Variants in GMDS observed in about 807,000 individuals in gnomAD.
GMDS encodes GDP-mannose 4,6-dehydratase.
A neutral mutation model predicts 49.9 loss-of-function variants in GMDS; 20 were observed. That is an observed-to-expected ratio of 0.40 (90% confidence interval 0.28 to 0.58). GMDS has a LOEUF of 0.58. Ranked by LOEUF, GMDS falls within the 20% of genes least tolerant of loss-of-function variation. The pLI is 0.42. For missense variants in GMDS, 362 were observed against 481.4 expected, an observed-to-expected ratio of 0.75 and a Z score of 2.32; for synonymous variants, 177 against 178.6, an observed-to-expected ratio of 0.99 and a Z score of 0.07.
At chr6:2,149,613 G>A (rs952202401) in intron 1 of GMDS, among the ~76,000 whole-genome samples, 1 of 152,202 alleles carries the variant, frequency 6.6e-6, no homozygotes, top group Non-Finnish European at 1.5e-5. Context: ...TCTGAATCCA[G>A]TCTATTTTAT....
intron 9 of GMDS, among the ~76,000 whole-genome samples, chr6:1,669,290 G>T (rs1250293005): frequency 1.3e-5 from 2 of 152,114 alleles, no homozygotes; most frequent in Non-Finnish European, 2.9e-5. Flanking sequence ...CCTCAGCCAA[G>T]CATGCACTTC....
rs143659056 is a variant in GMDS at position 1,813,609 on chromosome 6, G to C, written c.772-71023C>G. 7.4e-4 allele frequency among the ~76,000 whole-genome samples: 112 copies of C among 152,302 alleles called. 2 individuals are homozygous for C. The highest frequency in any genetic ancestry group is 3.4e-3 in the Middle Eastern group (1 of 294). On this transcript the variant is annotated intron_variant, in intron 7 of 10. Coordinates refer to ENST00000380815, the MANE Select transcript of GMDS (RefSeq NM_001500.4). ...CTAATAATGGATGGTTGAGAAAACA[G>C]AGAGAGCTCCAGAGGTTTAAATAAG... is the stretch of plus-strand genomic sequence containing the variant.
At chr6:1,760,218 C>T (rs189657728) in intron 7 of GMDS, among the ~76,000 whole-genome samples, 3 of 152,318 alleles carry the variant, frequency 2.0e-5, no homozygotes, top group East Asian at 3.9e-4. Flanking sequence ...CAAAAAATCC[C>T]GTTTTCCATG....
intron 6 of GMDS, chr6:1,952,045 G>A (rs1014852381): frequency 1.0e-6 from 1 of 960,222 alleles, no homozygotes; most frequent in South Asian, 4.8e-5. Context: ...ACTTCTCCTA[G>A]GATTATTTCT....
At chr6:1,870,068 T>C (rs895919230) in intron 7 of GMDS, among the ~76,000 whole-genome samples, 1 of 152,228 alleles carries the variant, frequency 6.6e-6, no homozygotes, top group South Asian at 2.1e-4. Flanking sequence ...CCTGGGCAGA[T>C]AGGAAGACCA....
intron 7 of GMDS, among the ~76,000 whole-genome samples, chr6:1,882,393 G>A (rs1759404430): frequency 1.3e-5 from 2 of 152,166 alleles, no homozygotes; most frequent in African/African-American, 4.8e-5. Flanking sequence ...ATGCGTGTGT[G>A]TACATAAGTA....
chr6:1,787,838 C>T (rs1769382808), intron 7 of GMDS, among the ~76,000 whole-genome samples: 1 of 152,112 alleles, frequency 6.6e-6, no homozygotes. Flanking sequence ...AACTTTTTAA[C>T]CCTAAGGTTT....
chr6:2,102,882 T>C (rs1774006829), intron 4 of GMDS, among the ~76,000 whole-genome samples: 1 of 152,250 alleles, frequency 6.6e-6, no homozygotes, highest in South Asian at 2.1e-4. Context: ...ATTATGTGTT[T>C]AGACATCAGA....
At chr6:1,846,419 T>G (rs1462633554) in intron 7 of GMDS, among the ~76,000 whole-genome samples, 1 of 152,100 alleles carries the variant, frequency 6.6e-6, no homozygotes, top group African/African-American at 2.4e-5. Flanking sequence ...ATGCCCTTTT[T>G]CTCTCTAAAA....
In GMDS at chr6:2,065,740, G is replaced by A. The variant is rs369243819; in HGVS notation, c.345+50031C>T. On this transcript the variant is annotated intron_variant, in intron 4 of 10. Transcript: ENST00000380815. Reference sequence around the variant, plus strand: ...TAGAGAAAAAAGAATAAAAAGAAACGAGCAAAGCCTCCAAGAAATATGGGA... The same window carrying A: ...TAGAGAAAAAAGAATAAAAAGAAACAAGCAAAGCCTCCAAGAAATATGGGA... Among the ~76,000 whole-genome samples the A allele has an allele frequency of 8.5e-4, 129 of 152,190 alleles. No homozygotes were observed. In the East Asian group the frequency reaches 0.021, roughly 24 times the overall value.
chr6:1,643,967 TGACAAGGCTCCCAGGGCG>T (rs1305839720), intron 9 of GMDS, among the ~76,000 whole-genome samples: 3 of 152,152 alleles, frequency 2.0e-5, no homozygotes, highest in Non-Finnish European at 2.9e-5. Flanking sequence ...ACTCCTCAGC[TGACAAGGCTCCCAGGGCG>T]GACGGCCCTT....
chr6:1,908,329 G>A (rs547790221), intron 7 of GMDS, among the ~76,000 whole-genome samples: 50 of 152,166 alleles, frequency 3.3e-4, no homozygotes, highest in Non-Finnish European at 4.4e-4. Context: ...AGGTGAAACC[G>A]TGGAGAGTGA....
chr6:2,139,432 C>T (rs550642973), intron 1 of GMDS, among the ~76,000 whole-genome samples: 21 of 152,324 alleles, frequency 1.4e-4, no homozygotes, highest in Non-Finnish European at 2.1e-4. Flanking sequence ...ATATATCGTG[C>T]ACTGCTTCCA....
At chr6:1,707,696 AC>A (rs1330860480) in intron 9 of GMDS, among the ~76,000 whole-genome samples, 1 of 151,104 alleles carries the variant, frequency 6.6e-6, no homozygotes, top group Non-Finnish European at 1.5e-5. Context: ...CCCACCACAC[AC>A]AGGCCTGGGA....
chr6:2,104,912 G>T (rs779331478), intron 4 of GMDS, among the ~76,000 whole-genome samples: 2 of 152,010 alleles, frequency 1.3e-5, no homozygotes, highest in Non-Finnish European at 2.9e-5. Context: ...ACCGGGTGCG[G>T]TGGCTCACGC....
chr6:1,865,300 A>G (rs1010794023), intron 7 of GMDS, among the ~76,000 whole-genome samples: 1 of 152,218 alleles, frequency 6.6e-6, no homozygotes, highest in Non-Finnish European at 1.5e-5. Flanking sequence ...AAAAATTACT[A>G]CTAGGAATAT....
At chr6:2,176,739 G>T (rs1482414101) in intron 1 of GMDS, among the ~76,000 whole-genome samples, 1 of 152,160 alleles carries the variant, frequency 6.6e-6, no homozygotes, top group African/African-American at 2.4e-5. Context: ...ATCCTGGGGA[G>T]TAAAGTGGGA....
At chr6:1,865,036 G>A (rs1197783520) in intron 7 of GMDS, among the ~76,000 whole-genome samples, 1 of 152,194 alleles carries the variant, frequency 6.6e-6, no homozygotes, top group Non-Finnish European at 1.5e-5. Flanking sequence ...CCGGAGCTTA[G>A]AAACGCCATC....
At chr6:1,956,709 A>T (rs1763656683) in intron 6 of GMDS, among the ~76,000 whole-genome samples, 1 of 152,212 alleles carries the variant, frequency 6.6e-6, no homozygotes. Flanking sequence ...AACTCACTTA[A>T]AGTACCACAG....
Sources: allele counts gnomAD v4.1 joint callset (sites outside exome capture counted in the v4.1 genomes callset), GRCh38; gene constraint gnomAD v4.1.1; transcripts MANE v1.5; gene names NCBI Gene and HGNC (gene_info 2026-07-23, HGNC 2026-07-21).